CAMTA1: variants seen among roughly 807,000 people sequenced by gnomAD.
CAMTA1 encodes the protein calmodulin binding transcription activator 1, also known as calmodulin-binding transcription activator 1.
A neutral mutation model predicts 170.9 loss-of-function variants in CAMTA1; 27 were observed. That is an observed-to-expected ratio of 0.16 (90% CI 0.12 to 0.22). CAMTA1 has a LOEUF of 0.22. Among genes scored for constraint, CAMTA1 ranks in the 10% least tolerant of loss-of-function variants. The probability of loss-of-function intolerance (pLI) is 1.00; values close to 1 mark genes in which losing one functional copy is unlikely to be tolerated. For synonymous variants in CAMTA1, 833 were observed against 891.5 expected (o/e 0.93, Z 1.17); for missense variants, 1,619 against 2,217.2 (o/e 0.73, Z 5.42).
At chr1:7,238,156 CTTT>C (rs71582089) in intron 4 of CAMTA1, among the ~76,000 whole-genome samples, 11 of 145,272 alleles carry the variant, frequency 7.6e-5, no homozygotes, top group Admixed American at 2.8e-4. Context: ...AGTCTTCTTT[CTTT>C]TTTTTTTTTT....
intron 3 of CAMTA1, among the ~76,000 whole-genome samples, chr1:6,877,736 C>T (rs910711208): frequency 2.0e-5 from 3 of 152,132 alleles, no homozygotes; most frequent in Non-Finnish European, 4.4e-5. Flanking sequence ...GATATCCAGC[C>T]CCTTTTCTCT....
At chr1:6,924,585 G>A (rs1682710463) in intron 3 of CAMTA1, among the ~76,000 whole-genome samples, 1 of 152,196 alleles carries the variant, frequency 6.6e-6, no homozygotes, top group African/African-American at 2.4e-5. Context: ...CTGTGAGGAG[G>A]AAATATATAT....
chr1:7,280,879 C>T (rs550463628), intron 5 of CAMTA1, among the ~76,000 whole-genome samples: 2 of 152,252 alleles, frequency 1.3e-5, no homozygotes, highest in East Asian at 1.9e-4. Context: ...AAGAAATTGG[C>T]GCTGTAACTT....
intron 3 of CAMTA1, among the ~76,000 whole-genome samples, chr1:6,943,952 T>A (rs11584799): frequency 0.55 from 82,483 of 151,214 alleles, 22,888 homozygotes; most frequent in Non-Finnish European, 0.61. Context: ...TGTGGTACCA[T>A]CACCATCTCC....
intron 3 of CAMTA1, among the ~76,000 whole-genome samples, chr1:6,840,657 A>G (rs1655295977): frequency 6.6e-6 from 1 of 152,140 alleles, no homozygotes; most frequent in South Asian, 2.1e-4. Flanking sequence ...TCTGGAGATA[A>G]AAATTGGAGA....
rs932058843 is a variant in CAMTA1 at position 6,970,459 on chromosome 1, C to T, written c.235-120845C>T. ...GTGGAGGCCGGTCCCAGACCAGCAT[C>T]GGTGAGGAGGTAATGGGGGTTCTTG... is the stretch of plus-strand genomic sequence containing the variant. On this transcript the variant is annotated intron_variant, in intron 3 of 22. Coordinates refer to ENST00000303635, the MANE Select transcript of CAMTA1 (RefSeq NM_015215.4). This position sits in a 1 kb window ranked among gnomAD's most constrained non-coding sequence, Gnocchi z 4.4. Among the ~76,000 whole-genome samples the T allele has an allele frequency of 1.3e-5, 2 of 151,948 alleles. No individual in the cohort carries two copies. Among genetic ancestry groups the T allele is most frequent in the Non-Finnish European group, 2.9e-5 (2 of 67,992 alleles).
intron 3 of CAMTA1, among the ~76,000 whole-genome samples, chr1:6,881,422 C>T (rs1671542946): frequency 6.6e-6 from 1 of 152,040 alleles, no homozygotes. Flanking sequence ...GTGAGTATTC[C>T]AAGCAGAGGG....
intron 3 of CAMTA1, among the ~76,000 whole-genome samples, chr1:6,991,791 T>C (rs1287953750): frequency 1.3e-5 from 2 of 152,128 alleles, no homozygotes; most frequent in African/African-American, 4.8e-5. Context: ...CTCCCCTTCC[T>C]GGGTTGAAGC....
In CAMTA1 at chr1:7,044,794, A is replaced by G. The variant is rs1572655759; in HGVS notation, c.235-46510A>G. On this transcript the variant is annotated intron_variant, in intron 3 of 22. Transcript: ENST00000303635. The surrounding 1 kb of genome is among the most constrained non-coding windows in gnomAD (Gnocchi z 5.0). ...CCTGCCTGGCGCATCTTTCCCCCTC[A>G]CGTCCTCTCCCCCACTCCCTCCTCT... Among the ~76,000 whole-genome samples the G allele has an allele frequency of 7.4e-6, 1 of 134,658 alleles. No individual in the cohort carries two copies. Among genetic ancestry groups the G allele is most frequent in the Non-Finnish European group, 1.6e-5 (1 of 62,654 alleles). The allele number at this position is 134,658 out of a possible 152,430, so 88.3% of individuals were successfully genotyped here.
intron 5 of CAMTA1, among the ~76,000 whole-genome samples, chr1:7,272,713 A>G (rs867960956): frequency 3.2e-5 from 3 of 94,506 alleles, no homozygotes; most frequent in South Asian, 3.0e-4. Flanking sequence ...AAAAAAAAAA[A>G]AAAGAAAAGA....
intron 6 of CAMTA1, among the ~76,000 whole-genome samples, chr1:7,555,056 C>T (rs1437535121): frequency 2.0e-5 from 3 of 152,042 alleles, no homozygotes; most frequent in Non-Finnish European, 4.4e-5. Context: ...TCAAGGGTAT[C>T]CCCAAGTGCC....
chr1:7,353,986 A>G (rs1446762357), intron 5 of CAMTA1, among the ~76,000 whole-genome samples: 1 of 151,972 alleles, frequency 6.6e-6, no homozygotes, highest in African/African-American at 2.4e-5. Context: ...TCTGGCCCCC[A>G]TTTATAAGCG....
chr1:7,393,878 A>T (rs2088999173), intron 5 of CAMTA1, among the ~76,000 whole-genome samples: 1 of 152,180 alleles, frequency 6.6e-6, no homozygotes, highest in African/African-American at 2.4e-5. Context: ...TCTGGTAACC[A>T]CTATTCTACT....
intron 6 of CAMTA1, among the ~76,000 whole-genome samples, chr1:7,481,106 T>C (rs1213133440): frequency 6.6e-6 from 1 of 152,106 alleles, no homozygotes; most frequent in East Asian, 1.9e-4. Flanking sequence ...TCTCTTCTGC[T>C]TCCCAACCCT....
At chr1:7,684,857 C>T (rs12116647) in intron 11 of CAMTA1, among the ~76,000 whole-genome samples, 10,867 of 152,184 alleles carry the variant, frequency 0.071, 537 homozygotes, top group Admixed American at 0.12. Flanking sequence ...TGATCCCAGC[C>T]GTCAGGCCTC....
intron 3 of CAMTA1, among the ~76,000 whole-genome samples, chr1:6,860,353 T>G (rs574646905): frequency 6.6e-5 from 10 of 152,288 alleles, no homozygotes; most frequent in African/African-American, 1.9e-4. Flanking sequence ...ATGGGATGAG[T>G]TAGAGCTCTA....
At chr1:6,831,719 GCAAA>G (rs1167590811) in intron 3 of CAMTA1, among the ~76,000 whole-genome samples, 1 of 152,120 alleles carries the variant, frequency 6.6e-6, no homozygotes, top group Non-Finnish European at 1.5e-5. Context: ...TCTAGAGTAA[GCAAA>G]CAAAATAGAA....
intron 4 of CAMTA1, among the ~76,000 whole-genome samples, chr1:7,220,965 C>T (rs919587424): frequency 1.3e-5 from 2 of 152,198 alleles, no homozygotes; most frequent in Non-Finnish European, 2.9e-5. Flanking sequence ...AGGTCTCCCT[C>T]CCACCTGGTT....
rs549182493 is a variant in CAMTA1, at chr1:6,800,266, A to G, written c.45+14691A>G. Among the ~76,000 whole-genome samples, 229 of 151,986 alleles carry G rather than the reference A, an allele frequency of 1.5e-3. 1 individual carries two copies. The highest frequency in any genetic ancestry group is 2.8e-3 in the Non-Finnish European group (191 of 67,964). ...ACTAAAAATAGAAAAAATTAGCCAG[A>G]TGTGTTGGTGTGCGCCTGTGATCCC... On this transcript the variant is annotated intron_variant, in intron 1 of 22. Transcript: ENST00000303635.
Sources: gnomAD v4.1 joint callset for allele counts (sites outside exome capture counted in the v4.1 genomes callset) on GRCh38, gnomAD v4.1.1 for gene constraint, Gnocchi (gnomAD v3.1) non-coding constraint, MANE v1.5 for transcripts, NCBI Gene and HGNC (gene_info 2026-07-23, HGNC 2026-07-21) for gene names.